The following TMPO variants were observed in gnomAD, a reference collection of about 807,000 sequenced individuals.
TMPO encodes the protein thymopoietin.
TMPO carries 22 observed loss-of-function variants against 45.4 expected under a neutral mutation model. The observed-to-expected ratio is 0.48, with a 90% CI of 0.35 to 0.69. The LOEUF is 0.69. Ranked by LOEUF, TMPO falls within the 30% of genes least tolerant of loss-of-function variation. The pLI, the probability that TMPO is intolerant of heterozygous loss-of-function variation, is 0.01. For missense variants in TMPO, 512 were observed against 548.8 expected, an observed-to-expected ratio of 0.93 and a Z score of 0.67; for synonymous variants, 241 against 204.1, an observed-to-expected ratio of 1.18 and a Z score of -1.54.
chr12:98,520,663 A>G (rs1876275387), intron 1 of TMPO, among the ~76,000 whole-genome samples: 1 of 149,482 alleles, frequency 6.7e-6, no homozygotes, highest in African/African-American at 2.5e-5. Flanking sequence ...TCAGTCTGTC[A>G]TCCCAGCTGG....
In TMPO at chr12:98,539,282, A is replaced by G. The variant is rs184128093; in HGVS notation, c.663+1710A>G. 2.6e-3 allele frequency among the ~76,000 whole-genome samples: 403 copies of G among 152,224 alleles called. 6 individuals are homozygous for G. Among genetic ancestry groups the G allele is most frequent in the Middle Eastern group, 6.8e-3 (2 of 294 alleles). Reference sequence around the variant, plus strand: ...GGAGGAATCTAAACTGAGGAGCAGAATAAATAGTCAAAGGAGTGTAGGTTT... The same window carrying G: ...GGAGGAATCTAAACTGAGGAGCAGAGTAAATAGTCAAAGGAGTGTAGGTTT... On this transcript the variant is annotated intron_variant, in intron 4 of 8. Coordinates refer to ENST00000556029, the MANE Select transcript of TMPO (RefSeq NM_001032283.3).
At position 98,518,470 on chromosome 12, in the gene TMPO, CTTTTTT is replaced by C. The variant is rs11437786; in HGVS notation, c.279+2343_279+2348del. On this transcript the variant is annotated intron_variant, in intron 1 of 8. Coordinates refer to ENST00000556029, the MANE Select transcript of TMPO (RefSeq NM_001032283.3). ...CGCTACACCCGGCTAATTTTCTAAT[CTTTTTT>C]TTTTTTTTTTTTTTTTTTGGTACAC... is the stretch of plus-strand genomic sequence containing the variant. 1.4e-3 allele frequency among the ~76,000 whole-genome samples: 117 copies of C among 83,522 alleles called. 1 individual carries two copies. The highest frequency in any genetic ancestry group is 5.6e-3 in the African/African-American group (110 of 19,794). 54.8% of individuals were successfully genotyped at this position (83,522 alleles called of 152,430 possible).
At position 98,547,679 on chromosome 12, in the gene TMPO, C is replaced by T; in HGVS notation, c.1186C>T (p.Pro396Ser). 1.2e-6 allele frequency: 2 copies of T among 1,614,196 alleles called. No homozygotes were observed. The highest frequency in any genetic ancestry group is 1.7e-6 in the Non-Finnish European group (2 of 1,180,042). Reference protein sequence around the residue: ...FSSKYVPKYVPLADVKSEKTK... With the variant: ...FSSKYVPKYVSLADVKSEKTK... The stretch of plus-strand genomic sequence containing the variant: ...ATCTAAATATGTTCCTAAGTATGTT[C>T]CCTTGGCAGATGTCAAGTCAGAAAA... The change falls in exon 9 of 9, where the codon CCC (proline) becomes TCC (serine). Residue 396 changes from proline (P) to serine (S), a missense_variant. Pro to Ser is a moderately conservative substitution (Grantham distance 74). Around this residue, in one of 3 missense-constraint regions of TMPO, gnomAD observed 209 missense variants for 235.1 expected, o/e 0.89. Transcript: ENST00000556029.
intron 1 of TMPO, among the ~76,000 whole-genome samples, chr12:98,518,591 T>A (rs1216295315): frequency 6.6e-6 from 1 of 151,550 alleles, no homozygotes; most frequent in African/African-American, 2.4e-5. Flanking sequence ...TGAGGATGAT[T>A]TCTTTTACAC....
chr12:98,535,762 T>A (rs1038585222), intron 3 of TMPO: 1 of 647,764 alleles, frequency 1.5e-6, no homozygotes, highest in African/African-American at 2.0e-5. Context: ...TTCAGTGGTA[T>A]AATTGAAAAT....
In TMPO at chr12:98,546,329, G is replaced by C. The variant is rs781657744; in HGVS notation, c.991-30G>C. The C allele has an allele frequency of 3.5e-6, 5 of 1,440,188 alleles. No individual in the cohort carries two copies. In the Admixed American group the frequency reaches 5.0e-5, roughly 14 times the overall value. 89.2% of individuals were successfully genotyped at this position (1,440,188 alleles called of 1,614,324 possible). A position where few individuals can be genotyped will look rare whatever the true frequency, so the allele number is the denominator to read the frequency against. ...GCATGTTTACACTAAATTTTAACTT[G>C]TGGTTGTTTGTTTGTCTGTTTCTTA... On this transcript the variant is annotated intron_variant, in intron 7 of 8. Coordinates refer to ENST00000556029, the MANE Select transcript of TMPO (RefSeq NM_001032283.3).
chr12:98,519,456 T>G (rs1876158995), intron 1 of TMPO, among the ~76,000 whole-genome samples: 1 of 152,142 alleles, frequency 6.6e-6, no homozygotes, highest in South Asian at 2.1e-4. Flanking sequence ...CCCTGGGCTT[T>G]CCAAAGTGCT....
chr12:98,523,771 A>G (rs901967572), intron 1 of TMPO, among the ~76,000 whole-genome samples: 4 of 152,148 alleles, frequency 2.6e-5, no homozygotes, highest in Admixed American at 6.5e-5. Flanking sequence ...CGCCTCCCCA[A>G]TTCAAGTGAT....
chr12:98,515,706 T>C lies in TMPO; in HGVS notation c.-162T>C. On this transcript the variant is annotated 5_prime_UTR_variant, in exon 1 of 9. Coordinates refer to ENST00000556029, the MANE Select transcript of TMPO (RefSeq NM_001032283.3). ...GGGGTCTTTTGTGTCCGGGTCTGGCTTGGCTTTGTGTCCGCGAGTTTTTGT... is the reference window on the plus strand; with the variant it reads ...GGGGTCTTTTGTGTCCGGGTCTGGCCTGGCTTTGTGTCCGCGAGTTTTTGT... 3 of 1,469,904 alleles carry C rather than the reference T, an allele frequency of 2.0e-6. No individual in the cohort carries two copies. The highest frequency in any genetic ancestry group is 2.7e-6 in the Non-Finnish European group (3 of 1,096,926). 91.1% of individuals were successfully genotyped at this position (1,469,904 alleles called of 1,614,324 possible).
chr12:98,528,548 A>C (rs1304790117), intron 2 of TMPO, among the ~76,000 whole-genome samples: 2 of 150,630 alleles, frequency 1.3e-5, no homozygotes, highest in African/African-American at 2.4e-5. Context: ...AAGTGCTGGG[A>C]TTACAGGTGT....
At chr12:98,542,799 G>A (rs1453732942) in intron 4 of TMPO, among the ~76,000 whole-genome samples, 2 of 152,076 alleles carry the variant, frequency 1.3e-5, no homozygotes, top group East Asian at 1.9e-4. Flanking sequence ...TGGAGGTTGC[G>A]GTGAGTGGAG....
chr12:98,545,738 CTTT>C (rs796569361), intron 7 of TMPO, among the ~76,000 whole-genome samples: 1 of 146,570 alleles, frequency 6.8e-6, no homozygotes, highest in Non-Finnish European at 1.5e-5. Flanking sequence ...AAACAGTATA[CTTT>C]TTTTTTTTTG....
chr12:98,540,137 A>G lies in TMPO; in HGVS notation c.663+2565A>G, dbSNP rs146000970. 1.7e-3 allele frequency among the ~76,000 whole-genome samples: 253 copies of G among 152,328 alleles called. 1 individual carries two copies. Among genetic ancestry groups the G allele is most frequent in the Middle Eastern group, 3.4e-3 (1 of 294 alleles). ...ATTTATTTGGTGAAGAAACCAGGTC[A>G]TTACAGAATTTCCCAACATTCTGGA... On this transcript the variant is annotated intron_variant, in intron 4 of 8. Transcript: ENST00000556029.
In TMPO at chr12:98,547,943, A is replaced by C. The variant is rs758838059; in HGVS notation, c.*85A>C. The C allele has an allele frequency of 9.0e-6, 13 of 1,445,130 alleles. No individual in the cohort carries two copies. The highest frequency in any genetic ancestry group is 1.2e-5 in the Non-Finnish European group (13 of 1,046,288). 89.5% of individuals were successfully genotyped at this position (1,445,130 alleles called of 1,614,324 possible). A position where few individuals can be genotyped will look rare whatever the true frequency, so the allele number is the denominator to read the frequency against. On this transcript the variant is annotated 3_prime_UTR_variant, in exon 9 of 9. Coordinates refer to ENST00000556029, the MANE Select transcript of TMPO (RefSeq NM_001032283.3). ...TTTGTGTACACTTGTTGACTCCAAG[A>C]ACTAAAAATAATGTGATTTCGCCTC... is the stretch of plus-strand genomic sequence containing the variant.
chr12:98,538,650 G>C (rs1877719167), intron 4 of TMPO, among the ~76,000 whole-genome samples: 1 of 152,066 alleles, frequency 6.6e-6, no homozygotes, highest in Non-Finnish European at 1.5e-5. Context: ...ACCGCGCCCA[G>C]CCTGTTTGTC....
At chr12:98,522,177 T>C (rs368000573) in intron 1 of TMPO, among the ~76,000 whole-genome samples, 115 of 152,228 alleles carry the variant, frequency 7.6e-4, no homozygotes, top group African/African-American at 2.5e-3. Context: ...CCACCATGCC[T>C]AGCTGATTTT....
At chr12:98,524,095 A>G (rs1158132941) in intron 1 of TMPO, among the ~76,000 whole-genome samples, 2 of 152,194 alleles carry the variant, frequency 1.3e-5, no homozygotes, top group East Asian at 1.9e-4. Flanking sequence ...CTATTCCTGT[A>G]TCAGTCTTTT....
intron 1 of TMPO, chr12:98,516,387 CGTTGGCGGCG>C: frequency 8.4e-7 from 1 of 1,196,254 alleles, no homozygotes; most frequent in Non-Finnish European, 1.0e-6. Flanking sequence ...TGTGGAGTTG[CGTTGGCGGCG>C]GTTGTTTTGC....
rs753224657 is a variant in TMPO, at chr12:98,549,738, C to T, written c.*1880C>T. On this transcript the variant is annotated 3_prime_UTR_variant, in exon 9 of 9. Coordinates refer to ENST00000556029, the MANE Select transcript of TMPO (RefSeq NM_001032283.3). The stretch of plus-strand genomic sequence containing the variant: ...AGCCGAAGATGTATATTTAGACCAG[C>T]ACACAATTTTGATTTCAATTAGCCT... The T allele has an allele frequency of 3.3e-5, 5 of 152,182 alleles. No homozygotes were observed. The highest frequency in any genetic ancestry group is 7.4e-5 in the Non-Finnish European group (5 of 68,018). 9.4% of individuals were successfully genotyped at this position (152,182 alleles called of 1,614,324 possible). A position where few individuals can be genotyped will look rare whatever the true frequency, so the allele number is the denominator to read the frequency against.
Sources: allele counts gnomAD v4.1 joint callset (sites outside exome capture counted in the v4.1 genomes callset), GRCh38; gene constraint gnomAD v4.1.1; regional missense constraint gnomAD v4.1.1; transcripts MANE v1.5; gene names NCBI Gene and HGNC (gene_info 2026-07-23, HGNC 2026-07-21).